Variants in WDR49 observed in about 807,000 individuals in gnomAD.
WDR49 encodes the protein WD repeat domain 49.
WDR49 carries 107 observed loss-of-function variants against 119.5 expected under a neutral mutation model. The ratio of observed to expected loss-of-function variants is 0.90; its 90% CI spans 0.77 to 1.05. The LOEUF is 1.05. Among genes scored for constraint, WDR49 ranks in the 50% least tolerant of loss-of-function variants. The pLI, the probability that WDR49 is intolerant of heterozygous loss-of-function variation, is 0.00. For missense variants in WDR49, 1,240 were observed against 1,220.5 expected, an observed-to-expected ratio of 1.02 and a Z score of -0.24; for synonymous variants, 425 against 418.8, an observed-to-expected ratio of 1.01 and a Z score of -0.18.
chr3:167,505,050 T>G (rs1405215173), intron 17 of WDR49, among the ~76,000 whole-genome samples: 1 of 152,242 alleles, frequency 6.6e-6, no homozygotes, highest in African/African-American at 2.4e-5. Flanking sequence ...TCTGGCATTT[T>G]TTTATAGCAA....
intron 8 of WDR49, among the ~76,000 whole-genome samples, chr3:167,561,017 T>C (rs1713237507): frequency 3.1e-5 from 2 of 63,724 alleles, no homozygotes; most frequent in East Asian, 6.8e-4. Flanking sequence ...GAAAAATAAT[T>C]ACATAAATGC....
chr3:167,559,921 G>T, intron 9 of WDR49, 143 bp downstream of exon 9: 3 of 739,096 alleles, frequency 4.1e-6, no homozygotes, highest in Non-Finnish European at 4.2e-6. Context: ...TTAGATGGTT[G>T]GAGTTATTTC....
chr3:167,564,359 A>G (rs142664953), intron 8 of WDR49, among the ~76,000 whole-genome samples: 82 of 152,306 alleles, frequency 5.4e-4, no homozygotes, highest in African/African-American at 1.8e-3. Context: ...AAGAATAACA[A>G]TATAGGGGAA....
chr3:167,558,612 T>A (rs1466403413), intron 9 of WDR49, among the ~76,000 whole-genome samples: 1 of 152,204 alleles, frequency 6.6e-6, no homozygotes, highest in Non-Finnish European at 1.5e-5. Flanking sequence ...ATACTCTTCA[T>A]CCATGTCGCT....
At chr3:167,547,873 G>A (rs568185303) in intron 10 of WDR49, among the ~76,000 whole-genome samples, 1 of 151,968 alleles carries the variant, frequency 6.6e-6, no homozygotes. Flanking sequence ...CAGCCTTGCT[G>A]TTCACTTACA....
intron 10 of WDR49, among the ~76,000 whole-genome samples, chr3:167,551,208 C>T (rs1004460142): frequency 7.2e-5 from 11 of 151,954 alleles, no homozygotes; most frequent in Non-Finnish European, 1.6e-4. Flanking sequence ...TATGTATTGA[C>T]CTGCCTGCCA....
chr3:167,555,406 T>C (rs756910204), intron 9 of WDR49, among the ~76,000 whole-genome samples: 7 of 152,320 alleles, frequency 4.6e-5, no homozygotes, highest in Non-Finnish European at 8.8e-5. Flanking sequence ...TTATAATTAA[T>C]GAATACATGT....
At position 167,620,448 on chromosome 3, in the gene WDR49, T is replaced by C; in HGVS notation, c.939A>G (p.Gln313=). The C allele has an allele frequency of 6.5e-7, 1 of 1,535,642 alleles. No homozygotes were observed. Among genetic ancestry groups the C allele is most frequent in the Non-Finnish European group, 8.7e-7 (1 of 1,146,454 alleles). The change falls in exon 5 of 19, where the codon CAA becomes CAG. Residue 313 remains glutamine, a synonymous_variant. Coordinates refer to ENST00000682715, the MANE Select transcript of WDR49 (RefSeq NM_001366157.1). ...CAATACCTTGCCTGACCCAATCTCC[T>C]TGATGAAGTTTATGCTCTAATATAT... The part of the protein sequence containing the change: ...CCHILEHKLH[Q]GDWVRQVTYN...
chr3:167,621,277 A>G (rs1359429283), intron 4 of WDR49, among the ~76,000 whole-genome samples, 190 bp downstream of exon 4: 1 of 152,148 alleles, frequency 6.6e-6, no homozygotes, highest in Non-Finnish European at 1.5e-5. Flanking sequence ...ACCCCCACAC[A>G]CAATTAAGAT....
At chr3:167,571,334 C>T (rs1234243833) in intron 8 of WDR49, among the ~76,000 whole-genome samples, 4 of 151,788 alleles carry the variant, frequency 2.6e-5, no homozygotes, top group African/African-American at 9.7e-5. Flanking sequence ...TTCATGTAAC[C>T]AAGTATGTGA....
At chr3:167,582,194 C>T (rs1435043583) in intron 7 of WDR49, among the ~76,000 whole-genome samples, 3 of 152,044 alleles carry the variant, frequency 2.0e-5, no homozygotes, top group Admixed American at 1.3e-4. Flanking sequence ...TTTTCCTGAA[C>T]ACACTTTTAT....
At chr3:167,558,597 C>T (rs914745564) in intron 9 of WDR49, among the ~76,000 whole-genome samples, 5 of 152,194 alleles carry the variant, frequency 3.3e-5, no homozygotes, top group African/African-American at 7.2e-5. Context: ...ACTTGAGGTG[C>T]ACACATACTC....
At chr3:167,560,313 A>G in intron 8 of WDR49, 85 bp from the exon 9 acceptor site, 1 of 1,335,092 alleles carries the variant, frequency 7.5e-7, no homozygotes, top group Non-Finnish European at 1.0e-6. Flanking sequence ...CAGCCTGTGC[A>G]TTTCTAGTCC....
rs1414972540 is a variant in WDR49 at position 167,575,967 on chromosome 3, C to T, written c.1460G>A (p.Ser487Asn). The stretch of plus-strand genomic sequence containing the variant: ...AACACAAGTGACTGCTTTCTCATGG[C>T]TTTTCACCCTCTTGCTGGCTTCACT... ...MKSEASKRVK[S>N]HEKAVTCVLY... Residue 487 changes from serine (S) to asparagine (N), a missense_variant, in exon 8 of 19, where the codon AGC (serine) becomes AAC (asparagine). Transcript: ENST00000682715. The T allele has an allele frequency of 5.0e-6, 8 of 1,614,018 alleles. No individual in the cohort carries two copies. The highest frequency in any genetic ancestry group is 5.9e-6 in the Non-Finnish European group (7 of 1,180,022).
intron 7 of WDR49, among the ~76,000 whole-genome samples, chr3:167,586,211 G>A (rs1714806123): frequency 6.6e-6 from 1 of 152,122 alleles, no homozygotes; most frequent in Non-Finnish European, 1.5e-5. Context: ...TAGGAGTAAT[G>A]AAAAAGCTGA....
rs74945191 is a variant in WDR49, at chr3:167,651,649, G to T, written c.165+1612C>A. Reference sequence around the variant, plus strand: ...GCTCAATTTCTTTTTTAGAAAAACTGTCTATGTTCATACAAGCTCCGAATT... The same window carrying T: ...GCTCAATTTCTTTTTTAGAAAAACTTTCTATGTTCATACAAGCTCCGAATT... On this transcript the variant is annotated intron_variant, in intron 2 of 18. Transcript: ENST00000682715. Among the ~76,000 whole-genome samples, 1,264 of 151,754 alleles carry T rather than the reference G, an allele frequency of 8.3e-3. 17 individuals carry two copies. The highest frequency in any genetic ancestry group is 0.029 in the African/African-American group (1,205 of 41,364).
intron 18 of WDR49, among the ~76,000 whole-genome samples, chr3:167,493,078 G>C (rs569595236): frequency 2.6e-5 from 4 of 152,138 alleles, no homozygotes; most frequent in Non-Finnish European, 5.9e-5. Flanking sequence ...GAGTAATGGA[G>C]AGACACTGGA....
At chr3:167,489,416 G>C (rs1751044074) in intron 18 of WDR49, among the ~76,000 whole-genome samples, 1 of 151,958 alleles carries the variant, frequency 6.6e-6, no homozygotes, top group South Asian at 2.1e-4. Context: ...CCACAACCAA[G>C]TTCTTAAAAA....
intron 15 of WDR49, among the ~76,000 whole-genome samples, chr3:167,527,195 T>C (rs541235742): frequency 1.3e-5 from 2 of 152,262 alleles, no homozygotes; most frequent in South Asian, 4.1e-4. Context: ...TTCTGTGAGC[T>C]CAGGTGATTT....
Sources: allele counts gnomAD v4.1 joint callset (sites outside exome capture counted in the v4.1 genomes callset), GRCh38; gene constraint gnomAD v4.1.1; transcripts MANE v1.5; gene names NCBI Gene and HGNC (gene_info 2026-07-23, HGNC 2026-07-21).